The following HDGF variants were observed in gnomAD, a reference collection of about 807,000 sequenced individuals.
HDGF encodes the protein heparin binding growth factor.
In HDGF, 5 loss-of-function variants were observed where a neutral mutation model predicts 30.0. The observed-to-expected ratio is 0.17, with a 90% CI of 0.09 to 0.35. The LOEUF (loss-of-function observed/expected upper bound fraction) is 0.35, where lower values mean the gene tolerates loss of function less well. HDGF is among the 10% of genes least tolerant of loss of function. The pLI, the probability that HDGF is intolerant of heterozygous loss-of-function variation, is 1.00. For missense variants in HDGF, 214 were observed against 302.8 expected, an observed-to-expected ratio of 0.71 and a Z score of 2.18; for synonymous variants, 133 against 112.7, an observed-to-expected ratio of 1.18 and a Z score of -1.14.
In HDGF at chr1:156,743,423, G is replaced by A; in HGVS notation, c.*26C>T. 2 of 1,515,206 alleles carry A rather than the reference G, an allele frequency of 1.3e-6. No individual in the cohort carries two copies. Among genetic ancestry groups the A allele is most frequent in the Non-Finnish European group, 1.8e-6 (2 of 1,134,534 alleles). The allele number at this position is 1,515,206 out of a possible 1,614,324, so 93.9% of individuals were successfully genotyped here. A position where few individuals can be genotyped will look rare whatever the true frequency, so the allele number is the denominator to read the frequency against. ...ACCCAGACAGCAGCAGGAACAGGGT[G>A]GGGGCTCCTCTTGAAACATTGGTGG... On this transcript the variant is annotated 3_prime_UTR_variant, in exon 6 of 6. Coordinates refer to ENST00000357325, the MANE Select transcript of HDGF (RefSeq NM_004494.3).
intron 4 of HDGF, 53 bp from the exon 5 acceptor site, chr1:156,743,931 G>A (rs940290286): frequency 5.2e-6 from 7 of 1,350,780 alleles, no homozygotes; most frequent in Non-Finnish European, 6.4e-6. Context: ...GAGGCCACCA[G>A]CCACCCACTC....
At position 156,751,115 on chromosome 1, in the gene HDGF, C is replaced by T. The variant is rs80036288; in HGVS notation, c.87+228G>A. On this transcript the variant is annotated intron_variant, in intron 1 of 5. Coordinates refer to ENST00000357325, the MANE Select transcript of HDGF (RefSeq NM_004494.3). This position sits in a 1 kb window ranked among gnomAD's most constrained non-coding sequence, Gnocchi z 4.7. ...CCCTCGGATCCCCACGCCGTGAACA[C>T]GCCACTACGCGCGGACGCCGTGCCC... 0.1 allele frequency among the ~76,000 whole-genome samples: 15,466 copies of T among 152,194 alleles called. 987 individuals carry two copies. The highest frequency in any genetic ancestry group is 0.18 in the African/African-American group (7,344 of 41,538).
chr1:156,752,632 G>C (rs11264535), upstream of HDGF, among the ~76,000 whole-genome samples: 38,832 of 152,082 alleles, frequency 0.26, 5,945 homozygotes, highest in Non-Finnish European at 0.35. Context: ...ACTACATTTT[G>C]GCCTAGGTTA....
In HDGF at chr1:156,760,725, TGTCA is replaced by T. The variant is rs749827719; in HGVS notation, n.137-1510_137-1507del. On this transcript the variant is annotated intron_variant and non_coding_transcript_variant, in intron 1 of 7. Coordinates refer to the HDGF transcript ENST00000465180. ...TTGTTGGCTCTTCAGCCCTGGGGCC[TGTCA>T]GTCACCCTGACACACCCTGATCCTG... 4.6e-5 allele frequency among the ~76,000 whole-genome samples: 7 copies of T among 152,274 alleles called. No homozygotes were observed. In the East Asian group the frequency reaches 5.8e-4, roughly 13 times the overall value.
Position 156,745,100 on chromosome 1 carries a change from C to G in HDGF, c.211G>C (p.Glu71Gln), listed in dbSNP as rs1339960423. Residue 71 changes from glutamate (E) to glutamine (Q), a missense_variant, in exon 3 of 6, where the codon GAG (glutamate) becomes CAG (glutamine). This residue lies in a region of HDGF where 176 missense variants were observed against 211.7 expected (regional missense o/e 0.83). Transcript: ENST00000357325. Reference sequence around the variant, plus strand: ...CTCTTGTTGGGCTTGCCAAACTTCTCCTTGGATTCCTCGTAAGGGAAGAGG... The same window carrying G: ...CTCTTGTTGGGCTTGCCAAACTTCTGCTTGGATTCCTCGTAAGGGAAGAGG... ...KDLFPYEESK[E>Q]KFGKPNKRKG... 1.2e-6 allele frequency: 2 copies of G among 1,613,966 alleles called. No individual in the cohort carries two copies. Among genetic ancestry groups the G allele is most frequent in the Admixed American group, 3.3e-5 (2 of 59,990 alleles).
intron 1 of HDGF, among the ~76,000 whole-genome samples, chr1:156,762,275 G>T (rs1347276763): frequency 6.6e-6 from 1 of 151,970 alleles, no homozygotes; most frequent in Non-Finnish European, 1.5e-5. Flanking sequence ...CGAGCATGGT[G>T]GCTCATGCCT....
intron 1 of HDGF, among the ~76,000 whole-genome samples, chr1:156,761,934 C>A: frequency 2.7e-5 from 2 of 74,230 alleles, no homozygotes; most frequent in South Asian, 5.1e-4. Flanking sequence ...CAACAGTCTC[C>A]ATCTCAAAAA....
chr1:156,760,371 G>A (rs11264536), intron 1 of HDGF, among the ~76,000 whole-genome samples: 32,344 of 152,020 alleles, frequency 0.21, 3,589 homozygotes, highest in South Asian at 0.31. Flanking sequence ...CTCTTTTCTC[G>A]ACTAATAATT....
intron 5 of HDGF, 21 bp downstream of exon 5, chr1:156,743,631 G>T: frequency 6.3e-7 from 1 of 1,588,632 alleles, no homozygotes; most frequent in Non-Finnish European, 8.6e-7. Flanking sequence ...CAGCTGCCAA[G>T]GGGTCAGGGG....
Position 156,751,284 on chromosome 1 carries a change from C to T in HDGF, c.87+59G>A. On this transcript the variant is annotated intron_variant, in intron 1 of 5. Coordinates refer to ENST00000357325, the MANE Select transcript of HDGF (RefSeq NM_004494.3). This position sits in a 1 kb window ranked among gnomAD's most constrained non-coding sequence, Gnocchi z 4.7. ...TCCGCGCGGAGCGCTCGTGCCCTTC[C>T]CGGTGTTATGCAACCCAAGCCCGCA... 1 of 1,574,924 alleles carries T rather than the reference C, an allele frequency of 6.3e-7. No individual in the cohort carries two copies. Among genetic ancestry groups the T allele is most frequent in the Non-Finnish European group, 8.6e-7 (1 of 1,158,946 alleles).
upstream of HDGF, among the ~76,000 whole-genome samples, chr1:156,753,045 G>A (rs1341311239): frequency 6.6e-6 from 1 of 152,196 alleles, no homozygotes; most frequent in East Asian, 1.9e-4. Flanking sequence ...GCTGTAAGAT[G>A]GGATAACATG....
At chr1:156,748,918 G>A (rs1366928745) in intron 1 of HDGF, among the ~76,000 whole-genome samples, 1 of 152,226 alleles carries the variant, frequency 6.6e-6, no homozygotes, top group Admixed American at 6.5e-5. Flanking sequence ...GAGGAAAGAC[G>A]GGTGAGGTCC....
In HDGF at chr1:156,742,273, G is replaced by A. The variant is rs865806287; in HGVS notation, c.*1176C>T. 1 of 152,626 alleles carries A rather than the reference G, an allele frequency of 6.6e-6. No homozygotes were observed. The highest frequency in any genetic ancestry group is 1.5e-5 in the Non-Finnish European group (1 of 68,082). 9.5% of individuals were successfully genotyped at this position (152,626 alleles called of 1,614,324 possible). ...GGCATAGAGAGACCAGTAGGAAGAG[G>A]GTGGGAGAGGGCACTTATTTCTCTC... On this transcript the variant is annotated 3_prime_UTR_variant, in exon 6 of 6. Transcript: ENST00000357325.
intron 1 of HDGF, among the ~76,000 whole-genome samples, chr1:156,761,884 T>C (rs1015153327): frequency 1.4e-5 from 2 of 142,310 alleles, no homozygotes; most frequent in African/African-American, 5.3e-5. Context: ...GAGGTGGAGG[T>C]TGCAGTGAGA....
chr1:156,766,619 A>C (rs770522967), intron 1 of HDGF, among the ~76,000 whole-genome samples: 8 of 152,238 alleles, frequency 5.3e-5, no homozygotes, highest in Non-Finnish European at 8.8e-5. Context: ...GACAGATGTA[A>C]GAAAGTCACA....
chr1:156,760,083 CTT>C (rs1473420410), intron 1 of HDGF, among the ~76,000 whole-genome samples: 1 of 152,242 alleles, frequency 6.6e-6, no homozygotes, highest in Non-Finnish European at 1.5e-5. Context: ...CTGGAAGTAA[CTT>C]TGCTGCCTAC....
In HDGF at chr1:156,745,368, G is replaced by A. The variant is rs374716257; in HGVS notation, c.93C>T (p.Asp31=). The change falls in exon 2 of 6, where the codon GAC becomes GAT. Residue 31 remains aspartate, a synonymous_variant. Transcript: ENST00000357325. Reference sequence around the variant, plus strand: ...ATTTCACGGCAGCCTCAGGCATCTCGTCAATCTGGGGTGAGATGAGGGGGT... The same window carrying A: ...ATTTCACGGCAGCCTCAGGCATCTCATCAATCTGGGGTGAGATGAGGGGGT... ...KGYPHWPARI[D]EMPEAAVKST... is the part of the protein sequence containing the mutation. 1.5e-4 allele frequency: 243 copies of A among 1,613,376 alleles called. No homozygotes were observed. Among genetic ancestry groups the A allele is most frequent in the Non-Finnish European group, 1.8e-4 (209 of 1,179,710 alleles).
intron 1 of HDGF, among the ~76,000 whole-genome samples, chr1:156,765,502 T>G (rs1651342738): frequency 1.7e-5 from 2 of 118,340 alleles, no homozygotes; most frequent in Non-Finnish European, 3.4e-5. Context: ...TGAGATGGAG[T>G]CTTGCACACT....
chr1:156,763,679 G>T (rs952545492), intron 1 of HDGF, among the ~76,000 whole-genome samples: 13 of 140,830 alleles, frequency 9.2e-5, no homozygotes, highest in Admixed American at 7.3e-4. Flanking sequence ...TCTGCCTCCC[G>T]CATTCAAGCA....
Sources: allele counts gnomAD v4.1 joint callset (sites outside exome capture counted in the v4.1 genomes callset), GRCh38; gene constraint gnomAD v4.1.1; regional missense constraint gnomAD v4.1.1; non-coding constraint Gnocchi (gnomAD v3.1); transcripts MANE v1.5; gene names NCBI Gene and HGNC (gene_info 2026-07-23, HGNC 2026-07-21).